POLE: variants seen among roughly 807,000 people sequenced by gnomAD.
POLE encodes DNA polymerase epsilon, catalytic subunit, also known as DNA polymerase epsilon catalytic subunit A.
Under a neutral mutation model 279.2 loss-of-function variants are expected in POLE, and 188 were observed. That is an observed-to-expected ratio of 0.67 (90% CI 0.60 to 0.76). The LOEUF (loss-of-function observed/expected upper bound fraction) is 0.76. Among genes scored for constraint, POLE ranks in the 30% least tolerant of loss-of-function variants. The pLI is 0.00. For synonymous variants in POLE, 1,214 were observed against 1,172.5 expected (o/e 1.04, Z -0.72); for missense variants, 2,703 against 3,016.7 (o/e 0.90, Z 2.44).
intron 6 of POLE, among the ~76,000 whole-genome samples, chr12:132,678,811 CA>C (rs902558480): frequency 6.6e-5 from 10 of 152,272 alleles, no homozygotes; most frequent in African/African-American, 2.2e-4. Context: ...ACGGGCTATT[CA>C]GGGGGAAAAA....
intron 31 of POLE, 48 bp downstream of exon 31, chr12:132,649,258 T>C: frequency 6.3e-7 from 1 of 1,585,148 alleles, no homozygotes; most frequent in South Asian, 1.1e-5. Context: ...ACCCCCTCCC[T>C]GGGCCATCAG....
chr12:132,638,736 C>G (rs1359698427), intron 40 of POLE: 2 of 215,504 alleles, frequency 9.3e-6, no homozygotes, highest in Non-Finnish European at 1.9e-5. Context: ...TGCATGAAGC[C>G]TCTCACTGAT....
At chr12:132,630,231 A>G (rs1272066696) in intron 45 of POLE, among the ~76,000 whole-genome samples, 1 of 152,240 alleles carries the variant, frequency 6.6e-6, no homozygotes, top group Non-Finnish European at 1.5e-5. Flanking sequence ...TGTTGGAAAG[A>G]TGAGACTTGC....
rs5745075 is a variant in POLE at position 132,625,629 on chromosome 12, G to A, written c.6657+16C>T. ...TGGACTCCAGGGCACACGGGCAGGC[G>A]GCATGCACGACTCACCAGGTCCTGC... On this transcript the variant is annotated intron_variant, in intron 47 of 48. Coordinates refer to ENST00000320574, the MANE Select transcript of POLE (RefSeq NM_006231.4). 0.33 allele frequency: 528,753 copies of A among 1,611,794 alleles called. 91,794 individuals are homozygous for A. Among genetic ancestry groups the A allele is most frequent in the East Asian group, 0.69 (31,101 of 44,864 alleles).
rs5744902 is a variant in POLE at position 132,649,128 on chromosome 12, G to A, written c.4006-56C>T. 4,063 of 1,577,004 alleles carry A rather than the reference G, an allele frequency of 2.6e-3. 103 individuals are homozygous for A. The African/African-American group carries it at 0.045, about 18-fold the overall frequency. ...ACAGGACACACTGGAACCCACAGAC[G>A]GGGCCACCTTCCAGGTAGCTTGCAG... On this transcript the variant is annotated intron_variant, in intron 31 of 48. Coordinates refer to ENST00000320574, the MANE Select transcript of POLE (RefSeq NM_006231.4).
At chr12:132,658,123 A>G in intron 26 of POLE, 153 bp from the exon 27 acceptor site, 2 of 587,546 alleles carry the variant, frequency 3.4e-6, no homozygotes, top group South Asian at 3.9e-5. Flanking sequence ...ATGCACAAAC[A>G]TGCCTACAGG....
At chr12:132,651,837 C>T (rs1276790476) in intron 29 of POLE, among the ~76,000 whole-genome samples, 4 of 152,218 alleles carry the variant, frequency 2.6e-5, no homozygotes, top group African/African-American at 7.2e-5. Flanking sequence ...AAGGAGGAAC[C>T]GAGTCCTGCC....
In POLE at chr12:132,657,146, C is replaced by T. The variant is rs1429556469; in HGVS notation, c.3572G>A (p.Gly1191Asp). Residue 1191 changes from glycine to aspartate, a missense_variant, in exon 29 of 49, where the codon GGC becomes GAC. Physicochemically the swap from Gly to Asp is moderately conservative, Grantham distance 94. Coordinates refer to ENST00000320574, the MANE Select transcript of POLE (RefSeq NM_006231.4). The part of the protein sequence containing the change: ...KKISELFTLE[G>D]RRQVTMAEAS... ...GGGCCCCACCGTCACCTGTCTCCTG[C>T]CCTCCAGGGTGAAGAGCTCACTGAT... 2.5e-6 allele frequency: 4 copies of T among 1,614,010 alleles called. No individual in the cohort carries two copies. The highest frequency in any genetic ancestry group is 3.4e-6 in the Non-Finnish European group (4 of 1,179,986).
At chr12:132,649,922 G>T in intron 29 of POLE, 33 bp from the exon 30 acceptor site, 2 of 1,597,158 alleles carry the variant, frequency 1.3e-6, no homozygotes, top group Non-Finnish European at 8.6e-7. Context: ...TAAATCTCAG[G>T]ATCTCGGGCT....
intron 29 of POLE, 23 bp from the exon 30 acceptor site, chr12:132,649,912 TAAA>T (rs755188766): frequency 6.2e-7 from 1 of 1,606,820 alleles, no homozygotes; most frequent in Non-Finnish European, 8.5e-7. Flanking sequence ...AGTGAAGCCT[TAAA>T]TCTCAGGATC....
chr12:132,641,373 G>T, intron 39 of POLE: 1 of 512,440 alleles, frequency 2.0e-6, no homozygotes, highest in Non-Finnish European at 3.6e-6. Context: ...TGGTCACATC[G>T]AAAAGTGGCC....
rs2138430831 is a variant in POLE at position 132,626,166 on chromosome 12, C to T, written c.6482G>A (p.Cys2161Tyr). 1.2e-6 allele frequency: 2 copies of T among 1,612,066 alleles called. No homozygotes were observed. The highest frequency in any genetic ancestry group is 1.7e-6 in the Non-Finnish European group (2 of 1,179,122). Reference protein sequence around the residue: ...YVLPEVICRSCNFCRDLDLCK... With the variant: ...YVLPEVICRSYNFCRDLDLCK... ...CAGGTCCAGGTCGCGGCAGAAGTTACAGCTGCGGCAGATGACCTCAGGAAG... is the reference window on the plus strand; with the variant it reads ...CAGGTCCAGGTCGCGGCAGAAGTTATAGCTGCGGCAGATGACCTCAGGAAG... Residue 2161 changes from cysteine (C) to tyrosine (Y), a missense_variant, in exon 46 of 49, where the codon TGT becomes TAT. By Grantham distance (194) the Cys-to-Tyr change is radical. Coordinates refer to ENST00000320574, the MANE Select transcript of POLE (RefSeq NM_006231.4).
At chr12:132,679,747 G>T in intron 5 of POLE, 96 bp from the exon 6 acceptor site, 1 of 1,416,234 alleles carries the variant, frequency 7.1e-7, no homozygotes, top group Non-Finnish European at 9.7e-7. Flanking sequence ...AAGTCAAAGA[G>T]TTGGCGACTT....
Position 132,673,653 on chromosome 12 carries a change from G to A in POLE, c.1281C>T (p.Ala427=), listed in dbSNP as rs371586756. 27 of 1,613,848 alleles carry A rather than the reference G, an allele frequency of 1.7e-5. No homozygotes were observed. Among genetic ancestry groups the A allele is most frequent in the East Asian group, 4.5e-5 (2 of 44,900 alleles). ...GATCATAGCCTAGCTTGGCCTTGGCGGCCGCCTTGAGATTATGACTGCCCA... is the reference window on the plus strand; with the variant it reads ...GATCATAGCCTAGCTTGGCCTTGGCAGCCGCCTTGAGATTATGACTGCCCA... The part of the protein sequence containing the change: ...LPVGSHNLKA[A]AKAKLGYDPV... Residue 427 remains alanine (A), a synonymous_variant, in exon 13 of 49, where the codon GCC becomes GCT. Coordinates refer to ENST00000320574, the MANE Select transcript of POLE (RefSeq NM_006231.4).
At chr12:132,686,911 G>A (rs2043285794) in intron 1 of POLE, among the ~76,000 whole-genome samples, 1 of 151,404 alleles carries the variant, frequency 6.6e-6, no homozygotes, top group South Asian at 2.1e-4. Flanking sequence ...ACCCCGCAGG[G>A]CCTGGCCCGG....
At position 132,643,397 on chromosome 12, in the gene POLE, C is replaced by A. The variant is rs761312129; in HGVS notation, c.4444+10G>T. On this transcript the variant is annotated intron_variant, in intron 34 of 48. Transcript: ENST00000320574. ...GCAGGCACATGATGGGCGGCTGGTG[C>A]AGGCCATACCTGGTTCCAGGTAGCT... 3.9e-5 allele frequency: 63 copies of A among 1,614,098 alleles called. No homozygotes were observed. The South Asian group carries it at 6.5e-4, about 17-fold the overall frequency.
chr12:132,677,410 C>T lies in POLE; in HGVS notation c.754G>A (p.Ala252Thr). 1.9e-6 allele frequency: 3 copies of T among 1,614,102 alleles called. No homozygotes were observed. Among genetic ancestry groups the T allele is most frequent in the Non-Finnish European group, 2.5e-6 (3 of 1,179,988 alleles). Residue 252 changes from alanine to threonine, a missense_variant, in exon 8 of 49, where the codon GCT (alanine) becomes ACT (threonine). Coordinates refer to ENST00000320574, the MANE Select transcript of POLE (RefSeq NM_006231.4). ...CGGCGGGTGATTTCTACCGGAAAAG[C>T]ATTTCCTCGGTATCTGACATTGTAC... Reference protein sequence around the residue: ...HWYNVRYRGNAFPVEITRRDD... With the variant: ...HWYNVRYRGNTFPVEITRRDD...
intron 25 of POLE, chr12:132,660,473 T>C (rs2042653601): frequency 6.6e-6 from 1 of 152,476 alleles, no homozygotes; most frequent in South Asian, 2.1e-4. Flanking sequence ...AGATATCTCG[T>C]TCAATGCAAC....
intron 20 of POLE, among the ~76,000 whole-genome samples, chr12:132,666,746 T>A (rs1377398896): frequency 6.6e-6 from 1 of 152,238 alleles, no homozygotes; most frequent in Non-Finnish European, 1.5e-5. Context: ...TTGATGGAGA[T>A]AAGAGTTTCC....
Sources: gnomAD v4.1 joint callset for allele counts (sites outside exome capture counted in the v4.1 genomes callset) on GRCh38, gnomAD v4.1.1 for gene constraint, MANE v1.5 for transcripts, NCBI Gene and HGNC (gene_info 2026-07-23, HGNC 2026-07-21) for gene names.